Variants in ALDOA observed in about 807,000 individuals in gnomAD.
ALDOA encodes the protein fructose-bisphosphate aldolase A.
ALDOA carries 26 observed loss-of-function variants against 43.9 expected under a neutral mutation model. The observed-to-expected ratio is 0.59, with a 90% CI of 0.43 to 0.82. The LOEUF (loss-of-function observed/expected upper bound fraction) is 0.82. ALDOA is among the 40% of genes least tolerant of loss of function. ALDOA has a pLI of 0.00. For synonymous variants in ALDOA, 258 were observed against 222.6 expected (o/e 1.16, Z -1.42); for missense variants, 498 against 549.5 (o/e 0.91, Z 0.94).
Position 30,067,477 on chromosome 16 carries a change from T to C in ALDOA, c.302T>C (p.Ile101Thr). 3 of 1,613,102 alleles carry C rather than the reference T, an allele frequency of 1.9e-6. No homozygotes were observed. Among genetic ancestry groups the C allele is most frequent in the Non-Finnish European group, 8.5e-7 (1 of 1,179,946 alleles). ...AGCATTGCCAAGCGGCTGCAGTCCA[T>C]TGGCACCGAGAACACCGAGGAGAAC... is the stretch of plus-strand genomic sequence containing the variant. ...TGSIAKRLQS[I>T]GTENTEENRR... Residue 101 changes from isoleucine to threonine, a missense_variant, in exon 4 of 10, where the codon ATT (isoleucine) becomes ACT (threonine). Ile to Thr is a moderately conservative substitution (Grantham distance 89, BLOSUM62 -1). Transcript: ENST00000642816.
chr16:30,070,042 A>AG lies in ALDOA; in HGVS notation c.1161+15dup. On this transcript the variant is annotated intron_variant, in intron 9 of 9. Transcript: ENST00000642816. ...CAAGCGAGCCCTGGTAAGGATAGGC[A>AG]GGAGGTGGGCAGGGTGCCTGGGTGG... The AG allele has an allele frequency of 6.2e-7, 1 of 1,613,714 alleles. No homozygotes were observed. The highest frequency in any genetic ancestry group is 8.5e-7 in the Non-Finnish European group (1 of 1,179,976).
intron 4 of ALDOA, chr16:30,068,299 C>T (rs867299292): frequency 1.4e-5 from 5 of 358,614 alleles, no homozygotes; most frequent in African/African-American, 2.1e-5. Context: ...CTCCTGATCT[C>T]GTGATCTGCC....
Position 30,068,547 on chromosome 16 carries a change from G to A in ALDOA, c.487-99G>A, listed in dbSNP as rs372071909. The stretch of plus-strand genomic sequence containing the variant: ...GAGTCCAGGAAGTGGAGGCTTCAGT[G>A]AGCTGAGATTCCACCACTGTACTCC... On this transcript the variant is annotated intron_variant, in intron 4 of 9. Transcript: ENST00000642816. 5.1e-6 allele frequency: 7 copies of A among 1,369,842 alleles called. No individual in the cohort carries two copies. In the African/African-American group the frequency reaches 5.7e-5, roughly 11 times the overall value. 84.9% of individuals were successfully genotyped at this position (1,369,842 alleles called of 1,614,324 possible).
Position 30,066,871 on chromosome 16 carries a change from G to A in ALDOA, c.-13-14G>A, listed in dbSNP as rs1464908339. 5.8e-6 allele frequency: 9 copies of A among 1,545,980 alleles called. No individual in the cohort carries two copies. The highest frequency in any genetic ancestry group is 1.7e-4 in the Middle Eastern group (1 of 5,972). ...TTTACATTCTAAAATACTCCGGTTCGGTTTTGTTTTCAGGCAAGGTGACCC... is the reference window on the plus strand; with the variant it reads ...TTTACATTCTAAAATACTCCGGTTCAGTTTTGTTTTCAGGCAAGGTGACCC... On this transcript the variant is annotated splice_polypyrimidine_tract_variant and intron_variant, in intron 1 of 9. Coordinates refer to ENST00000642816, the MANE Select transcript of ALDOA (RefSeq NM_001243177.4).
intron 6 of ALDOA, 72 bp downstream of exon 6, chr16:30,069,050 C>T: frequency 1.2e-6 from 2 of 1,601,004 alleles, no homozygotes; most frequent in Non-Finnish European, 1.7e-6. Context: ...TGCCTATTAC[C>T]TGCCATGATG....
At position 30,069,293 on chromosome 16, in the gene ALDOA, C is replaced by G. The variant is rs2072229677; in HGVS notation, c.703-13C>G. 1.2e-6 allele frequency: 2 copies of G among 1,613,944 alleles called. No individual in the cohort carries two copies. The highest frequency in any genetic ancestry group is 2.7e-5 in the African/African-American group (2 of 74,894). ...TAGGAGGCCTCACAGTGACCCTGTC[C>G]CTCGCCCTGCAGAATGGCATTGTGC... On this transcript the variant is annotated splice_polypyrimidine_tract_variant and intron_variant, in intron 6 of 9. Coordinates refer to ENST00000642816, the MANE Select transcript of ALDOA (RefSeq NM_001243177.4).
At chr16:30,069,252 A>G in intron 6 of ALDOA, 54 bp from the exon 7 acceptor site, 1 of 1,573,150 alleles carries the variant, frequency 6.4e-7, no homozygotes, top group Non-Finnish European at 8.8e-7. Flanking sequence ...GGAGAGATGT[A>G]GGTGGGACTC....
At chr16:30,068,749 T>A (rs1177238458) in intron 5 of ALDOA, 49 bp downstream of exon 5, 1 of 1,614,196 alleles carries the variant, frequency 6.2e-7, no homozygotes, top group Admixed American at 1.7e-5. Flanking sequence ...AGAGCAGGTT[T>A]GGGTGCTGGG....
rs569354275 is a variant in ALDOA, at chr16:30,068,911, C to T, written c.635C>T (p.Thr212Ile). Reference protein sequence around the residue: ...WRCVLKIGEHTPSALAIMENA... With the variant: ...WRCVLKIGEHIPSALAIMENA... The stretch of plus-strand genomic sequence containing the variant: ...TGTGTGCTGAAGATTGGGGAACACA[C>T]CCCCTCAGCCCTCGCCATCATGGAA... Residue 212 changes from threonine (T) to isoleucine (I), a missense_variant, in exon 6 of 10, where the codon ACC (threonine) becomes ATC (isoleucine). By Grantham distance (89) the Thr-to-Ile change is moderately conservative. Transcript: ENST00000642816. 1 of 1,614,250 alleles carries T rather than the reference C, an allele frequency of 6.2e-7. No homozygotes were observed. Among genetic ancestry groups the T allele is most frequent in the Non-Finnish European group, 8.5e-7 (1 of 1,180,044 alleles).
intron 6 of ALDOA, 25 bp downstream of exon 6, chr16:30,069,003 C>T: frequency 6.2e-7 from 1 of 1,614,028 alleles, no homozygotes; most frequent in Non-Finnish European, 8.5e-7. Context: ...CCTCAATAGG[C>T]AACCTCCTAC....
At position 30,068,531 on chromosome 16, in the gene ALDOA, A is replaced by T. The variant is rs114445168; in HGVS notation, c.487-115A>T. 4,221 of 1,195,074 alleles carry T rather than the reference A, an allele frequency of 3.5e-3. 122 individuals are homozygous for T. The African/African-American group carries it at 0.057, about 16-fold the overall frequency. 74.0% of individuals were successfully genotyped at this position (1,195,074 alleles called of 1,614,324 possible). On this transcript the variant is annotated intron_variant, in intron 4 of 9. Coordinates refer to ENST00000642816, the MANE Select transcript of ALDOA (RefSeq NM_001243177.4). ...GGCGGGAGGATCACTTGAGTCCAGG[A>T]AGTGGAGGCTTCAGTGAGCTGAGAT...
chr16:30,067,725 T>A, intron 4 of ALDOA, 64 bp downstream of exon 4: 7 of 1,590,500 alleles, frequency 4.4e-6, no homozygotes, highest in Non-Finnish European at 6.0e-6. Context: ...TCCAGGTTAG[T>A]GAGGCAGGGA....
rs368025105 is a variant in ALDOA, at chr16:30,069,460, C to T, written c.787-39C>T. 304 of 1,614,050 alleles carry T rather than the reference C, an allele frequency of 1.9e-4. 1 individual carries two copies. The Middle Eastern group carries it at 3.3e-3, about 18-fold the overall frequency. On this transcript the variant is annotated intron_variant, in intron 7 of 9. Transcript: ENST00000642816. The stretch of plus-strand genomic sequence containing the variant: ...CCCTGGGGCTAACCCCTATCCTCTC[C>T]TCCACCCCACTACCCACCGTGCGCC...
rs1406525452 is a variant in ALDOA, at chr16:30,067,359, G to A, written c.267G>A (p.Glu89=). Residue 89 remains glutamate, a synonymous_variant, in exon 3 of 10, where the codon GAG becomes GAA. Coordinates refer to ENST00000642816, the MANE Select transcript of ALDOA (RefSeq NM_001243177.4). ...APGKGILAAD[E]STGSIAKRLQ... is the part of the protein sequence containing the mutation. ...GCAAGGGCATCCTGGCTGCAGATGA[G>A]TCCACTGGTGCGGGCAGGAGACAGA... is the stretch of plus-strand genomic sequence containing the variant. The A allele has an allele frequency of 1.2e-6, 2 of 1,614,066 alleles. No homozygotes were observed. Among genetic ancestry groups the A allele is most frequent in the Non-Finnish European group, 1.7e-6 (2 of 1,180,040 alleles).
In ALDOA at chr16:30,067,331, C is replaced by T. The variant is rs545350470; in HGVS notation, c.239C>T (p.Pro80Leu). 2.5e-6 allele frequency: 4 copies of T among 1,613,662 alleles called. No individual in the cohort carries two copies. The highest frequency in any genetic ancestry group is 2.5e-6 in the Non-Finnish European group (3 of 1,180,044). ...GACATCGCTCACCGCATCGTGGCACCTGGCAAGGGCATCCTGGCTGCAGAT... is the reference window on the plus strand; with the variant it reads ...GACATCGCTCACCGCATCGTGGCACTTGGCAAGGGCATCCTGGCTGCAGAT... ...LSDIAHRIVA[P>L]GKGILAADES... Residue 80 changes from proline (P) to leucine (L), a missense_variant, in exon 3 of 10, where the codon CCT becomes CTT. By Grantham distance (98) the Pro-to-Leu change is moderately conservative (BLOSUM62 -3). Coordinates refer to ENST00000642816, the MANE Select transcript of ALDOA (RefSeq NM_001243177.4).
upstream of ALDOA, among the ~76,000 whole-genome samples, chr16:30,065,363 C>G (rs921711878): frequency 2.0e-5 from 3 of 152,342 alleles, no homozygotes; most frequent in South Asian, 6.2e-4. Flanking sequence ...TGGGGCGGCC[C>G]CGGGCCGCGC....
At position 30,066,981 on chromosome 16, in the gene ALDOA, C is replaced by A; in HGVS notation, c.84C>A (p.Ala28=). The A allele has an allele frequency of 6.4e-7, 1 of 1,557,640 alleles. No homozygotes were observed. The highest frequency in any genetic ancestry group is 8.7e-7 in the Non-Finnish European group (1 of 1,151,336). The change falls in exon 2 of 10, where the codon GCC becomes GCA. Residue 28 remains alanine (A), a synonymous_variant. Transcript: ENST00000642816. ...TGGCCTTTTCCTTTCCCCCAGTTGC[C>A]AGTGGGCAACTCCACCCTCAGCTGG... ...MAMAFSFPPV[A]SGQLHPQLGN... is the part of the protein sequence containing the mutation.
chr16:30,067,111 G>A, intron 2 of ALDOA, 73 bp downstream of exon 2: 1 of 1,571,716 alleles, frequency 6.4e-7, no homozygotes, highest in Non-Finnish European at 8.6e-7. Flanking sequence ...CCCAGGGCCT[G>A]CTGGGTGTGG....
rs748606517 is a variant in ALDOA, at chr16:30,070,152, G to A, written c.1197G>A (p.Pro399=). The A allele has an allele frequency of 6.8e-6, 11 of 1,613,962 alleles. No individual in the cohort carries two copies. Among genetic ancestry groups the A allele is most frequent in the African/African-American group, 5.3e-5 (4 of 74,906 alleles). The part of the protein sequence containing the change: ...NSLACQGKYT[P]SGQAGAAASE... ...TTGCCTGTCAAGGAAAGTACACTCCGAGCGGTCAGGCTGGGGCTGCTGCCA... is the reference window on the plus strand; with the variant it reads ...TTGCCTGTCAAGGAAAGTACACTCCAAGCGGTCAGGCTGGGGCTGCTGCCA... Residue 399 remains proline, a synonymous_variant, in exon 10 of 10, where the codon CCG becomes CCA. Transcript: ENST00000642816.
Sources: gnomAD v4.1 joint callset for allele counts (sites outside exome capture counted in the v4.1 genomes callset) on GRCh38, gnomAD v4.1.1 for gene constraint, MANE v1.5 for transcripts, NCBI Gene and HGNC (gene_info 2026-07-23, HGNC 2026-07-21) for gene names.